The following ELP3 variants were observed in gnomAD, a reference collection of about 807,000 sequenced individuals.
The protein encoded by ELP3 is elongator complex protein 3.
In ELP3, 56 loss-of-function variants were observed where a neutral mutation model predicts 74.9. The observed-to-expected ratio is 0.75, with a 90% CI of 0.60 to 0.93. The LOEUF (loss-of-function observed/expected upper bound fraction) is 0.93. Ranked by LOEUF, ELP3 falls within the 40% of genes least tolerant of loss-of-function variation. The pLI is 0.00. For synonymous variants in ELP3, 222 were observed against 239.8 expected, an observed-to-expected ratio of 0.93 and a Z score of 0.68; for missense variants, 573 against 686.5, an observed-to-expected ratio of 0.83 and a Z score of 1.85.
At chr8:28,122,698 T>A (rs1184790406) in intron 7 of ELP3, among the ~76,000 whole-genome samples, 1 of 152,116 alleles carries the variant, frequency 6.6e-6, no homozygotes. Flanking sequence ...GAGTTAGGGG[T>A]TTATCAATTT....
chr8:28,126,931 C>G (rs961670403), intron 7 of ELP3, among the ~76,000 whole-genome samples: 8 of 152,172 alleles, frequency 5.3e-5, no homozygotes, highest in Admixed American at 4.6e-4. Context: ...AAATTTGATA[C>G]AAATTTCTGT....
At position 28,162,061 on chromosome 8, in the gene ELP3, A is replaced by G. The variant is rs1339826314; in HGVS notation, c.1550A>G (p.Lys517Arg). The G allele has an allele frequency of 6.2e-7, 1 of 1,614,076 alleles. No homozygotes were observed. The highest frequency in any genetic ancestry group is 8.5e-7 in the Non-Finnish European group (1 of 1,180,016). Reference sequence around the variant, plus strand: ...GCTAGAGAAGAACATGGGTCTGGGAAAATCGCTGTGATATCAGGTAACTGG... The same window carrying G: ...GCTAGAGAAGAACATGGGTCTGGGAGAATCGCTGTGATATCAGGTAACTGG... Reference protein sequence around the residue: ...RIAREEHGSGKIAVISGVGTR... With the variant: ...RIAREEHGSGRIAVISGVGTR... Residue 517 changes from lysine (K) to arginine (R), a missense_variant, in exon 14 of 15, where the codon AAA becomes AGA. Physicochemically the swap from Lys to Arg is conservative, Grantham distance 26. Coordinates refer to ENST00000256398, the MANE Select transcript of ELP3 (RefSeq NM_018091.6).
Position 28,097,286 on chromosome 8 carries a change from C to G in ELP3, c.87C>G (p.Ala29=). The G allele has an allele frequency of 6.2e-7, 1 of 1,613,776 alleles. No homozygotes were observed. Among genetic ancestry groups the G allele is most frequent in the Non-Finnish European group, 8.5e-7 (1 of 1,179,858 alleles). ...IGDVIKQLIE[A]HEQGKDIDLN... is the part of the protein sequence containing the mutation. ...ATGTTATTAAACAACTGATTGAAGC[C>G]CACGAGCAGGGGAAAGACATCGATC... The change falls in exon 2 of 15, where the codon GCC becomes GCG. Residue 29 remains alanine (A), a synonymous_variant. Transcript: ENST00000256398.
At chr8:28,111,521 G>C (rs556191238) in intron 6 of ELP3, among the ~76,000 whole-genome samples, 1 of 152,276 alleles carries the variant, frequency 6.6e-6, no homozygotes, top group African/African-American at 2.4e-5. Context: ...GGTGAATACT[G>C]TTCAGTTTTA....
chr8:28,097,763 G>T (rs1387961940), intron 2 of ELP3, among the ~76,000 whole-genome samples: 5 of 152,086 alleles, frequency 3.3e-5, no homozygotes, highest in African/African-American at 1.2e-4. Context: ...CATTTATTGG[G>T]CACTTACTGT....
At chr8:28,126,353 A>C (rs187693089) in intron 7 of ELP3, among the ~76,000 whole-genome samples, 1 of 152,176 alleles carries the variant, frequency 6.6e-6, no homozygotes, top group Non-Finnish European at 1.5e-5. Flanking sequence ...AATTCTGTCA[A>C]CGTAAGGTTT....
intron 14 of ELP3, among the ~76,000 whole-genome samples, chr8:28,167,011 A>T (rs777663283): frequency 2.0e-5 from 3 of 152,258 alleles, no homozygotes; most frequent in Non-Finnish European, 4.4e-5. Context: ...TACAAGGCCG[A>T]TGGATCACAC....
Position 28,141,308 on chromosome 8 carries a change from T to C in ELP3, c.1100+3417T>C, listed in dbSNP as rs1813228655. ...CTGTTACTCAGCCAGAACTTCACGA[T>C]CTGAATCCAATAGTCAGGAGACGTT... On this transcript the variant is annotated intron_variant, in intron 10 of 14. Transcript: ENST00000256398. Among the ~76,000 whole-genome samples the C allele has an allele frequency of 2.6e-5, 4 of 152,208 alleles. No homozygotes were observed. The South Asian group carries it at 8.3e-4, about 32-fold the overall frequency.
At chr8:28,090,903 C>CT (rs1563239681), upstream of ELP3, among the ~76,000 whole-genome samples, 337 of 53,134 alleles carry the variant, frequency 6.3e-3, 20 homozygotes, top group East Asian at 0.029. Flanking sequence ...GTAAATGTTT[C>CT]CTTTTTTTTT....
chr8:28,116,766 G>A (rs1406168309), intron 7 of ELP3, among the ~76,000 whole-genome samples: 2 of 151,986 alleles, frequency 1.3e-5, no homozygotes, highest in Non-Finnish European at 2.9e-5. Context: ...AAAAAAAACT[G>A]ATCATTAATA....
At chr8:28,173,658 A>G (rs1251945253) in intron 14 of ELP3, among the ~76,000 whole-genome samples, 4 of 149,524 alleles carry the variant, frequency 2.7e-5, no homozygotes, top group African/African-American at 9.9e-5. Context: ...TAAGGTGTAG[A>G]GTAGGTTATT....
At chr8:28,165,930 A>G (rs747070823) in intron 14 of ELP3, among the ~76,000 whole-genome samples, 7 of 152,242 alleles carry the variant, frequency 4.6e-5, no homozygotes, top group Non-Finnish European at 7.3e-5. Context: ...TTATGGCTAC[A>G]TGAGAAAATT....
At position 28,107,954 on chromosome 8, in the gene ELP3, C is replaced by A; in HGVS notation, c.371C>A (p.Thr124Asn). 1.2e-6 allele frequency: 2 copies of A among 1,613,904 alleles called. No homozygotes were observed. Among genetic ancestry groups the A allele is most frequent in the Non-Finnish European group, 1.7e-6 (2 of 1,179,922 alleles). Residue 124 changes from threonine to asparagine, a missense_variant, in exon 5 of 15, where the codon ACC becomes AAC. Transcript: ENST00000256398. ...GGPDSDFEYS[T>N]QSYTGYEPTS... is the part of the protein sequence containing the mutation. ...CCTGATTCTGATTTTGAGTATTCCA[C>A]CCAGTCTTACACTGGCTATGAGGTA...
At chr8:28,097,460 C>CT (rs11352232) in intron 2 of ELP3, 142 bp downstream of exon 2, 24,545 of 436,702 alleles carry the variant, frequency 0.056, 13 homozygotes, top group Non-Finnish European at 0.062. Context: ...TCATTCATTT[C>CT]TTTTTTTTTT....
intron 14 of ELP3, among the ~76,000 whole-genome samples, chr8:28,178,665 C>T (rs1814864565): frequency 6.6e-6 from 1 of 152,110 alleles, no homozygotes; most frequent in African/African-American, 2.4e-5. Context: ...AGAATGTACA[C>T]CTAAGAGTGC....
chr8:28,093,410 C>T, intron 1 of ELP3, 177 bp downstream of exon 1: 1 of 780,296 alleles, frequency 1.3e-6, no homozygotes, highest in Non-Finnish European at 2.0e-6. Context: ...TCCTGTTTTG[C>T]TTTTTGAAGC....
intron 14 of ELP3, among the ~76,000 whole-genome samples, chr8:28,177,637 G>A (rs1028245535): frequency 1.3e-5 from 2 of 152,246 alleles, no homozygotes; most frequent in African/African-American, 4.8e-5. Context: ...TTGGCTGTGA[G>A]AATGTGATGT....
intron 7 of ELP3, among the ~76,000 whole-genome samples, chr8:28,118,268 T>A (rs994971645): frequency 6.6e-5 from 10 of 152,204 alleles, no homozygotes; most frequent in African/African-American, 2.4e-4. Context: ...TACTGCTGTG[T>A]TGGCTCAGGT....
chr8:28,176,642 G>A (rs189901426), intron 14 of ELP3, among the ~76,000 whole-genome samples: 4 of 152,114 alleles, frequency 2.6e-5, no homozygotes, highest in Admixed American at 6.5e-5. Context: ...CAGCGTAATC[G>A]TCGTTTTAGC....
Sources: allele counts gnomAD v4.1 joint callset (sites outside exome capture counted in the v4.1 genomes callset), GRCh38; gene constraint gnomAD v4.1.1; transcripts MANE v1.5; gene names NCBI Gene and HGNC (gene_info 2026-07-23, HGNC 2026-07-21).